Variants in ADARB1 observed in about 807,000 individuals in gnomAD.
ADARB1 encodes adenosine deaminase RNA specific B1.
ADARB1 carries 10 observed loss-of-function variants against 52.4 expected under a neutral mutation model. The ratio of observed to expected loss-of-function variants is 0.19; its 90% CI spans 0.12 to 0.32. ADARB1 has a LOEUF of 0.32. ADARB1 is among the 10% of genes least tolerant of loss of function. The probability of loss-of-function intolerance (pLI) is 1.00; values close to 1 mark genes in which losing one functional copy is unlikely to be tolerated. For missense variants in ADARB1, 643 were observed against 922.3 expected, an observed-to-expected ratio of 0.70 and a Z score of 3.92; for synonymous variants, 349 against 371.1, an observed-to-expected ratio of 0.94 and a Z score of 0.68.
chr21:45,138,074 AATGC>A (rs1350175861), intron 2 of ADARB1, among the ~76,000 whole-genome samples: 2 of 152,170 alleles, frequency 1.3e-5, no homozygotes, highest in Non-Finnish European at 2.9e-5. Context: ...GATTTTTTAA[AATGC>A]ATTTTAGATA....
intron 1 of ADARB1, among the ~76,000 whole-genome samples, chr21:45,076,750 T>C (rs2085952669): frequency 6.6e-6 from 1 of 152,246 alleles, no homozygotes; most frequent in Non-Finnish European, 1.5e-5. Context: ...ATTTTTGGAA[T>C]AAGAATTTTT....
chr21:45,076,259 A>G (rs981189764), intron 1 of ADARB1, among the ~76,000 whole-genome samples: 4 of 152,214 alleles, frequency 2.6e-5, no homozygotes, highest in African/African-American at 9.7e-5. Context: ...ACTGTCTCTC[A>G]TTGCGCGGTT....
At chr21:45,179,632 A>G (rs1305698245) in intron 4 of ADARB1, among the ~76,000 whole-genome samples, 1 of 152,140 alleles carries the variant, frequency 6.6e-6, no homozygotes, top group Admixed American at 6.5e-5. Context: ...AGGTGTTCCG[A>G]ACGTCTAAGC....
At chr21:45,107,925 G>A (rs1364794267) in intron 1 of ADARB1, among the ~76,000 whole-genome samples, 1 of 152,120 alleles carries the variant, frequency 6.6e-6, no homozygotes, top group Non-Finnish European at 1.5e-5. Flanking sequence ...TTTGGGTGTG[G>A]TGGCACACAC....
At chr21:45,171,868 C>T in intron 3 of ADARB1, 184 bp downstream of exon 3, 2 of 594,394 alleles carry the variant, frequency 3.4e-6, no homozygotes, top group Non-Finnish European at 5.8e-6. Flanking sequence ...GAATTTGCTG[C>T]AGACGTTTTT....
chr21:45,151,995 G>GT (rs1227189840), intron 2 of ADARB1, among the ~76,000 whole-genome samples: 2 of 152,214 alleles, frequency 1.3e-5, no homozygotes, highest in African/African-American at 2.4e-5. Context: ...TCCGAGACAC[G>GT]TGAGTTAAGA....
chr21:45,154,327 G>C (rs970625821), intron 2 of ADARB1, among the ~76,000 whole-genome samples: 1 of 152,118 alleles, frequency 6.6e-6, no homozygotes, highest in African/African-American at 2.4e-5. Context: ...GTTAGTTCTC[G>C]CTGTTGGTAT....
At chr21:45,106,876 C>G (rs1281035819) in intron 1 of ADARB1, among the ~76,000 whole-genome samples, 1 of 152,062 alleles carries the variant, frequency 6.6e-6, no homozygotes, top group Non-Finnish European at 1.5e-5. Context: ...CTGCACAAAG[C>G]ACAGATGTGC....
chr21:45,213,188 AT>A (rs2146410966), intron 9 of ADARB1, among the ~76,000 whole-genome samples: 1 of 152,324 alleles, frequency 6.6e-6, no homozygotes, highest in East Asian at 1.9e-4. Context: ...CAATGTGCTT[AT>A]TGTTTAAAGC....
Position 45,204,799 on chromosome 21 carries a change from A to C in ADARB1, c.1747+63A>C. The stretch of plus-strand genomic sequence containing the variant: ...TTGATTTTGCAATGTTTTCATCCTC[A>C]TGAATGAAAAAAACACCACCTGAGC... On this transcript the variant is annotated intron_variant, in intron 9 of 10. Coordinates refer to ENST00000348831, the MANE Select transcript of ADARB1 (RefSeq NM_001112.4). This position sits in a 1 kb window ranked among gnomAD's most constrained non-coding sequence, Gnocchi z 4.4. 1 of 1,545,348 alleles carries C rather than the reference A, an allele frequency of 6.5e-7. No individual in the cohort carries two copies. The highest frequency in any genetic ancestry group is 8.8e-7 in the Non-Finnish European group (1 of 1,132,826).
In ADARB1 at chr21:45,221,864, G is replaced by GA. The variant is rs1336299772; in HGVS notation, c.1927-152dup. On this transcript the variant is annotated intron_variant, in intron 10 of 10. Coordinates refer to ENST00000348831, the MANE Select transcript of ADARB1 (RefSeq NM_001112.4). This position sits in a 1 kb window ranked among gnomAD's most constrained non-coding sequence, Gnocchi z 4.9. ...GGAGACGCCGCACCTTGTTCTGTGT[G>GA]AAGCCGTTCCCTTGGCAGAAGGCGC... 6.6e-6 allele frequency among the ~76,000 whole-genome samples: 1 copy of GA among 152,210 alleles called. No homozygotes were observed. Among genetic ancestry groups the GA allele is most frequent in the Admixed American group, 6.5e-5 (1 of 15,284 alleles).
chr21:45,181,312 G>T (rs1601812420), intron 5 of ADARB1, among the ~76,000 whole-genome samples: 1 of 152,168 alleles, frequency 6.6e-6, no homozygotes, highest in Non-Finnish European at 1.5e-5. Flanking sequence ...CCCACCTCTT[G>T]CTGCCCTAGG....
intron 2 of ADARB1, among the ~76,000 whole-genome samples, chr21:45,163,492 G>C (rs1021873993): frequency 9.9e-5 from 15 of 152,188 alleles, no homozygotes; most frequent in Non-Finnish European, 1.6e-4. Context: ...GGAGTGAGCG[G>C]GGAGGGGCAA....
At position 45,111,756 on chromosome 21, in the gene ADARB1, A is replaced by G. The variant is rs541411211; in HGVS notation, c.-219-16646A>G. Among the ~76,000 whole-genome samples, 37 of 152,320 alleles carry G rather than the reference A, an allele frequency of 2.4e-4. 1 individual carries two copies. The highest frequency in any genetic ancestry group is 8.7e-4 in the African/African-American group (36 of 41,568). On this transcript the variant is annotated intron_variant, in intron 1 of 10. Coordinates refer to ENST00000348831, the MANE Select transcript of ADARB1 (RefSeq NM_001112.4). ...GTACTCTGCTGTTTGACCATATCAT[A>G]TATTCATTCTGCTGACGATGGATAG...
chr21:45,222,244 G>A lies in ADARB1; in HGVS notation c.*47G>A, dbSNP rs568438634. The A allele has an allele frequency of 8.2e-5, 124 of 1,506,586 alleles. No individual in the cohort carries two copies. In the Middle Eastern group the frequency reaches 1.4e-3, roughly 17 times the overall value. The allele number at this position is 1,506,586 out of a possible 1,614,324, so 93.3% of individuals were successfully genotyped here. On this transcript the variant is annotated 3_prime_UTR_variant, in exon 11 of 11. Coordinates refer to ENST00000348831, the MANE Select transcript of ADARB1 (RefSeq NM_001112.4). ...GTGCAGGGGGCTGTGGGCATCCAGC[G>A]TCATCCTCCAGAACCTCACATCTGA... is the stretch of plus-strand genomic sequence containing the variant.
intron 1 of ADARB1, among the ~76,000 whole-genome samples, chr21:45,079,441 G>A (rs2086069108): frequency 6.6e-6 from 1 of 152,226 alleles, no homozygotes; most frequent in Admixed American, 6.5e-5. Flanking sequence ...TGGCGTTGGT[G>A]CCAGGTATGA....
chr21:45,192,996 A>G (rs2092339594), intron 8 of ADARB1, among the ~76,000 whole-genome samples: 1 of 152,236 alleles, frequency 6.6e-6, no homozygotes, highest in African/African-American at 2.4e-5. Context: ...AGATGGCTTC[A>G]CTATTGAATT....
At chr21:45,152,524 G>A (rs568537161) in intron 2 of ADARB1, 9 of 258,108 alleles carry the variant, frequency 3.5e-5, no homozygotes, top group African/African-American at 9.2e-5. Flanking sequence ...GCCGGCACAC[G>A]GAAGTGAGTC....
chr21:45,183,799 A>G (rs2092007521), intron 7 of ADARB1, among the ~76,000 whole-genome samples: 1 of 152,216 alleles, frequency 6.6e-6, no homozygotes, highest in Non-Finnish European at 1.5e-5. Flanking sequence ...AATATCTCTA[A>G]ATCAGAGGTG....
Sources: gnomAD v4.1 joint callset for allele counts (sites outside exome capture counted in the v4.1 genomes callset) on GRCh38, gnomAD v4.1.1 for gene constraint, Gnocchi (gnomAD v3.1) non-coding constraint, MANE v1.5 for transcripts, NCBI Gene and HGNC (gene_info 2026-07-23, HGNC 2026-07-21) for gene names.